The following MGAT4B variants were observed in gnomAD, a reference collection of about 807,000 sequenced individuals.
MGAT4B encodes alpha-1,3-mannosyl-glycoprotein 4-beta-N-acetylglucosaminyltransferase B.
Under a neutral mutation model 73.9 loss-of-function variants are expected in MGAT4B, and 38 were observed. The observed-to-expected ratio is 0.51, with a 90% CI of 0.40 to 0.67. MGAT4B has a LOEUF of 0.67. Among genes scored for constraint, MGAT4B ranks in the 30% least tolerant of loss-of-function variants. The pLI is 0.00. For missense variants in MGAT4B, 686 were observed against 735.2 expected, an observed-to-expected ratio of 0.93 and a Z score of 0.77; for synonymous variants, 373 against 313.5, an observed-to-expected ratio of 1.19 and a Z score of -2.01.
chr5:179,802,025 C>T (rs373068677), intron 1 of MGAT4B, 56 bp from the exon 2 acceptor site: 44 of 1,612,340 alleles, frequency 2.7e-5, no homozygotes, highest in Non-Finnish European at 3.3e-5. Context: ...CCCTACGGGC[C>T]CCTCCAGTGT....
At chr5:179,803,157 G>GGAA (rs1757017196) in intron 1 of MGAT4B, 1 of 985,616 alleles carries the variant, frequency 1.0e-6, no homozygotes, top group Non-Finnish European at 1.2e-6. Flanking sequence ...TGGGCAGGAG[G>GGAA]GAAAGGTTTA....
chr5:179,802,179 T>C (rs1271359490), intron 1 of MGAT4B: 12 of 1,499,742 alleles, frequency 8.0e-6, no homozygotes, highest in Non-Finnish European at 1.1e-5. Context: ...GAATTAGCCC[T>C]CTTCCAGTAC....
intron 1 of MGAT4B, 34 bp from the exon 2 acceptor site, chr5:179,802,003 G>A (rs763683882): frequency 4.8e-5 from 77 of 1,613,226 alleles, no homozygotes; most frequent in East Asian, 1.1e-4. Flanking sequence ...ACGAGGGGGC[G>A]GTCTAGAGCC....
Position 179,806,431 on chromosome 5 carries a change from T to G in MGAT4B, c.97+56A>C, listed in dbSNP as rs1475474726. The G allele has an allele frequency of 9.1e-7, 1 of 1,101,906 alleles. No homozygotes were observed. The highest frequency in any genetic ancestry group is 5.8e-5 in the East Asian group (1 of 17,184). The allele number at this position is 1,101,906 out of a possible 1,614,324, so 68.3% of individuals were successfully genotyped here. ...CTTCCGCGGCCACCGCCGGGCCCGC[T>G]CCCGCCGCCGACGCCCAGGTGCGCC... On this transcript the variant is annotated intron_variant, in intron 1 of 14. Coordinates refer to ENST00000292591, the MANE Select transcript of MGAT4B (RefSeq NM_014275.5). The surrounding 1 kb of genome is among the most constrained non-coding windows in gnomAD (Gnocchi z 4.6).
rs1562616617 is a variant in MGAT4B, at chr5:179,801,728, A to T, written c.284-34T>A. 6.3e-7 allele frequency: 1 copy of T among 1,595,856 alleles called. No homozygotes were observed. The highest frequency in any genetic ancestry group is 8.5e-7 in the Non-Finnish European group (1 of 1,170,838). ...GTCGGGAAGGATCGGGACTGAGACC[A>T]GGGAACCTACAACCAGCCCGCCCCC... On this transcript the variant is annotated intron_variant, in intron 2 of 14. Transcript: ENST00000292591. This position sits in a 1 kb window ranked among gnomAD's most constrained non-coding sequence, Gnocchi z 4.8.
Position 179,801,850 on chromosome 5 carries a change from T to C in MGAT4B, c.217A>G (p.Arg73Gly), listed in dbSNP as rs1756958314. Reference sequence around the variant, plus strand: ...AGCGCCTGCCTTTCTGACACGGCCCTCTTGATCTCGTCCAGCACCAGGTTG... The same window carrying C: ...AGCGCCTGCCTTTCTGACACGGCCCCCTTGATCTCGTCCAGCACCAGGTTG... ...ELNLVLDEIK[R>G]AVSERQALRD... Residue 73 changes from arginine to glycine, a missense_variant, in exon 2 of 15, where the codon AGG becomes GGG. Transcript: ENST00000292591. The surrounding 1 kb of genome is among the most constrained non-coding windows in gnomAD (Gnocchi z 4.8). The C allele has an allele frequency of 6.2e-7, 1 of 1,609,400 alleles. No homozygotes were observed. Among genetic ancestry groups the C allele is most frequent in the South Asian group, 1.1e-5 (1 of 91,018 alleles).
Position 179,803,748 on chromosome 5 carries a change from G to A in MGAT4B, c.98-1779C>T, listed in dbSNP as rs191323014. 3.1e-3 allele frequency: 466 copies of A among 152,486 alleles called. 2 individuals are homozygous for A. The highest frequency in any genetic ancestry group is 5.0e-3 in the Non-Finnish European group (344 of 68,210). The allele number at this position is 152,486 out of a possible 1,614,324, so 9.4% of individuals were successfully genotyped here. A position where few individuals can be genotyped will look rare whatever the true frequency, so the allele number is the denominator to read the frequency against. On this transcript the variant is annotated intron_variant, in intron 1 of 14. Coordinates refer to ENST00000292591, the MANE Select transcript of MGAT4B (RefSeq NM_014275.5). ...GGGCCTCCCCTCTCCCCCGGGTCCT[G>A]TTTACCAGGAGATAAAGGGCCCCAC... is the stretch of plus-strand genomic sequence containing the variant.
In MGAT4B at chr5:179,801,625, T is replaced by A. The variant is rs201306829; in HGVS notation, c.353A>T (p.His118Leu). The A allele has an allele frequency of 6.3e-7, 1 of 1,591,252 alleles. No individual in the cohort carries two copies. Among genetic ancestry groups the A allele is most frequent in the Non-Finnish European group, 8.5e-7 (1 of 1,170,856 alleles). ...CTCCTTGGCCAGCAGGTGTGGCAGG[T>A]GATGGAAGACGGTGGGCAGGTGCAG... Reference protein sequence around the residue: ...HVLHLPTVFHHLPHLLAKESS... With the variant: ...HVLHLPTVFHLLPHLLAKESS... The change falls in exon 3 of 15, where the codon CAC becomes CTC. Residue 118 changes from histidine to leucine, a missense_variant. By Grantham distance (99) the His-to-Leu change is moderately conservative. Coordinates refer to ENST00000292591, the MANE Select transcript of MGAT4B (RefSeq NM_014275.5). The surrounding 1 kb of genome is among the most constrained non-coding windows in gnomAD (Gnocchi z 4.8).
intron 1 of MGAT4B, chr5:179,803,741 G>C (rs776388769): frequency 6.6e-6 from 1 of 152,414 alleles, no homozygotes. Flanking sequence ...CCTCTCCCCC[G>C]GGTCCTGTTT....
intron 7 of MGAT4B, 47 bp from the exon 8 acceptor site, chr5:179,800,115 A>G (rs775138396): frequency 6.2e-7 from 1 of 1,610,370 alleles, no homozygotes; most frequent in South Asian, 1.1e-5. Flanking sequence ...GGGCACCCAG[A>G]TGGACCAGAC....
chr5:179,800,620 C>T (rs1402683146), intron 5 of MGAT4B, 23 bp from the exon 6 acceptor site: 5 of 1,504,874 alleles, frequency 3.3e-6, no homozygotes, highest in Non-Finnish European at 3.7e-6. Flanking sequence ...AAGGCCTAGT[C>T]CGTATGCAGC....
intron 1 of MGAT4B, chr5:179,802,326 A>AG (rs1756983197): frequency 7.4e-7 from 1 of 1,352,484 alleles, no homozygotes; most frequent in Non-Finnish European, 9.5e-7. Context: ...TTGGCCTCCA[A>AG]AGCCCACTCT....
At position 179,806,736 on chromosome 5, in the gene MGAT4B, C is replaced by G. The variant is rs1430367785; in HGVS notation, c.-153G>C. ...CGGGGGGCCCGGGGCCGGGCGGGGACCGGGCCAGGGAGCGCGCCGGCCGCC... is the reference window on the plus strand; with the variant it reads ...CGGGGGGCCCGGGGCCGGGCGGGGAGCGGGCCAGGGAGCGCGCCGGCCGCC... On this transcript the variant is annotated 5_prime_UTR_variant, in exon 1 of 15. Coordinates refer to ENST00000292591, the MANE Select transcript of MGAT4B (RefSeq NM_014275.5). The surrounding 1 kb of genome is among the most constrained non-coding windows in gnomAD (Gnocchi z 4.6). 1 of 157,128 alleles carries G rather than the reference C, an allele frequency of 6.4e-6. No individual in the cohort carries two copies. The allele number at this position is 157,128 out of a possible 1,614,324, so 9.7% of individuals were successfully genotyped here.
At chr5:179,800,688 C>A in intron 5 of MGAT4B, 91 bp from the exon 6 acceptor site, 1 of 1,115,700 alleles carries the variant, frequency 9.0e-7, no homozygotes, top group Non-Finnish European at 1.3e-6. Context: ...TGAGGCTCAC[C>A]CAGTGCCAGC....
Position 179,797,885 on chromosome 5 carries a change from G to C in MGAT4B, c.*160C>G. On this transcript the variant is annotated 3_prime_UTR_variant, in exon 15 of 15. Transcript: ENST00000292591. The stretch of plus-strand genomic sequence containing the variant: ...GGGCGGGGGCAGCACCAGCTCCTAG[G>C]GCCTCCGGGCCAGCGGCGGACCCCA... The C allele has an allele frequency of 1.9e-6, 2 of 1,036,112 alleles. No individual in the cohort carries two copies. The highest frequency in any genetic ancestry group is 2.8e-6 in the Non-Finnish European group (2 of 718,786). 64.2% of individuals were successfully genotyped at this position (1,036,112 alleles called of 1,614,324 possible).
At chr5:179,803,223 C>G (rs1400880025) in intron 1 of MGAT4B, 1 of 985,282 alleles carries the variant, frequency 1.0e-6, no homozygotes, top group Non-Finnish European at 1.2e-6. Context: ...AAGAAGCCAG[C>G]CCCCACCCTC....
In MGAT4B at chr5:179,798,937, C is replaced by T. The variant is rs1478097749; in HGVS notation, c.1334G>A (p.Arg445Lys). 1 of 1,613,534 alleles carries T rather than the reference C, an allele frequency of 6.2e-7. No homozygotes were observed. Among genetic ancestry groups the T allele is most frequent in the East Asian group, 2.2e-5 (1 of 44,884 alleles). The change falls in exon 11 of 15, where the codon AGA becomes AAA. Residue 445 changes from arginine (R) to lysine (K), a missense_variant. Physicochemically the swap from Arg to Lys is conservative, Grantham distance 26 (BLOSUM62 2). Transcript: ENST00000292591. The part of the protein sequence containing the change: ...FIRFRFFQPL[R>K]LERFFFRSGN... ...TGGTGCTGGCACTGACCGCTCCAGT[C>T]TTAGAGGTTGGAAGAAGCGGAAGCG...
At chr5:179,804,979 G>C (rs1757081507) in intron 1 of MGAT4B, 1 of 152,216 alleles carries the variant, frequency 6.6e-6, no homozygotes, top group South Asian at 2.1e-4. Flanking sequence ...TAGGGGCTGG[G>C]CTCGTGAATC....
In MGAT4B at chr5:179,806,693, C is replaced by A. The variant is rs1391794617; in HGVS notation, c.-110G>T. 9.9e-6 allele frequency: 3 copies of A among 301,844 alleles called. No homozygotes were observed. Among genetic ancestry groups the A allele is most frequent in the Non-Finnish European group, 1.4e-5 (3 of 208,986 alleles). The allele number at this position is 301,844 out of a possible 1,614,324, so 18.7% of individuals were successfully genotyped here. Reference sequence around the variant, plus strand: ...GCGGCGGCGGCGGCAGGGGCCCCGGCCCCGGGTCGGGGAGGGGCGGGGGGC... The same window carrying A: ...GCGGCGGCGGCGGCAGGGGCCCCGGACCCGGGTCGGGGAGGGGCGGGGGGC... On this transcript the variant is annotated 5_prime_UTR_variant, in exon 1 of 15. Coordinates refer to ENST00000292591, the MANE Select transcript of MGAT4B (RefSeq NM_014275.5). This position sits in a 1 kb window ranked among gnomAD's most constrained non-coding sequence, Gnocchi z 4.6.
Sources: allele counts gnomAD v4.1 joint callset, GRCh38; gene constraint gnomAD v4.1.1; non-coding constraint Gnocchi (gnomAD v3.1); transcripts MANE v1.5; gene names NCBI Gene and HGNC (gene_info 2026-07-23, HGNC 2026-07-21).